The following TRIO variants were observed in gnomAD, a reference collection of about 807,000 sequenced individuals.
TRIO encodes the protein triple functional domain protein.
A neutral mutation model predicts 351.9 loss-of-function variants in TRIO; 58 were observed. The ratio of observed to expected loss-of-function variants is 0.16; its 90% CI spans 0.13 to 0.21. The LOEUF (loss-of-function observed/expected upper bound fraction) is 0.21, where lower values mean the gene tolerates loss of function less well. TRIO is among the 10% of genes least tolerant of loss of function. The pLI, the probability that TRIO is intolerant of heterozygous loss-of-function variation, is 1.00. For synonymous variants in TRIO, 1,758 were observed against 1,595.7 expected, an observed-to-expected ratio of 1.10 and a Z score of -2.42; for missense variants, 3,201 against 4,027.8, an observed-to-expected ratio of 0.79 and a Z score of 5.56.
chr5:14,489,032 C>T lies in TRIO; in HGVS notation c.7632+772C>T, dbSNP rs767267838. 5.2e-6 allele frequency: 4 copies of T among 765,272 alleles called. No homozygotes were observed. In the Admixed American group the frequency reaches 6.8e-5, roughly 13 times the overall value. The allele number at this position is 765,272 out of a possible 1,614,324, so 47.4% of individuals were successfully genotyped here. On this transcript the variant is annotated intron_variant, in intron 48 of 56. Coordinates refer to ENST00000344204, the MANE Select transcript of TRIO (RefSeq NM_007118.4). ...TCCTACCCACCTGTTTCCTACAGGG[C>T]AGATGGCCTGGCCCGTAACACTTTC... is the stretch of plus-strand genomic sequence containing the variant.
intron 7 of TRIO, among the ~76,000 whole-genome samples, chr5:14,301,393 A>T (rs1040757941): frequency 9.2e-5 from 14 of 152,150 alleles, no homozygotes; most frequent in Non-Finnish European, 1.9e-4. Context: ...AGTCCCCCAG[A>T]TGCTTTGTGT....
intron 42 of TRIO, 52 bp from the exon 43 acceptor site, chr5:14,479,867 T>C (rs1755383971): frequency 2.6e-6 from 4 of 1,544,852 alleles, no homozygotes; most frequent in Admixed American, 3.4e-5. Flanking sequence ...GACTAAAAAA[T>C]TGCCCTTTAA....
In TRIO at chr5:14,443,057, A is replaced by C. The variant is rs372627944; in HGVS notation, c.5204-17962A>C. Among the ~76,000 whole-genome samples the C allele has an allele frequency of 1.3e-3, 192 of 152,318 alleles. 1 individual carries two copies. Among genetic ancestry groups the C allele is most frequent in the African/African-American group, 4.2e-3 (176 of 41,578 alleles). Reference sequence around the variant, plus strand: ...CTTAGTGGTATCTTAATTCCTTCAGAATTCTTCTCAAGGGACATTATTAAA... The same window carrying C: ...CTTAGTGGTATCTTAATTCCTTCAGCATTCTTCTCAAGGGACATTATTAAA... On this transcript the variant is annotated intron_variant, in intron 34 of 56. Transcript: ENST00000344204.
intron 21 of TRIO, among the ~76,000 whole-genome samples, chr5:14,383,097 G>A (rs1746255205): frequency 6.6e-6 from 1 of 152,162 alleles, no homozygotes; most frequent in South Asian, 2.1e-4. Context: ...TGAGGTGGGA[G>A]GATCGCTTGA....
chr5:14,419,424 C>T (rs1272924088), intron 33 of TRIO, among the ~76,000 whole-genome samples: 3 of 152,134 alleles, frequency 2.0e-5, no homozygotes, highest in Non-Finnish European at 4.4e-5. Flanking sequence ...AACACTGGGT[C>T]AGAACAGAAA....
At chr5:14,263,962 A>G (rs187770542) in intron 1 of TRIO, among the ~76,000 whole-genome samples, 1 of 152,214 alleles carries the variant, frequency 6.6e-6, no homozygotes, top group African/African-American at 2.4e-5. Flanking sequence ...TGAACGGCAC[A>G]CCTGGGCACA....
intron 11 of TRIO, among the ~76,000 whole-genome samples, chr5:14,356,696 G>A (rs1743637670): frequency 6.6e-6 from 1 of 152,158 alleles, no homozygotes; most frequent in Admixed American, 6.5e-5. Context: ...TTTATTTGTA[G>A]TGGCTCCAAA....
Position 14,369,361 on chromosome 5 carries a change from T to C in TRIO, c.3067-13T>C. The C allele has an allele frequency of 1.3e-6, 2 of 1,591,852 alleles. No individual in the cohort carries two copies. The highest frequency in any genetic ancestry group is 1.1e-5 in the South Asian group (1 of 88,454). ...GATGCCAAGTCTGAGCCTCAAACTT[T>C]TCCTGCTCACAGGTCTGCAGCGTCC... On this transcript the variant is annotated splice_polypyrimidine_tract_variant and intron_variant, in intron 17 of 56. Transcript: ENST00000344204.
intron 11 of TRIO, among the ~76,000 whole-genome samples, chr5:14,344,168 G>A (rs1742196279): frequency 6.6e-6 from 1 of 152,206 alleles, no homozygotes; most frequent in African/African-American, 2.4e-5. Flanking sequence ...AAAGCAAGAG[G>A]AAACTAACAG....
At chr5:14,427,673 G>A (rs1750764180) in intron 34 of TRIO, among the ~76,000 whole-genome samples, 1 of 152,102 alleles carries the variant, frequency 6.6e-6, no homozygotes, top group South Asian at 2.1e-4. Flanking sequence ...GATTCTCACC[G>A]GGGCAGTCAC....
At position 14,278,136 on chromosome 5, in the gene TRIO, A is replaced by C. The variant is rs186607681; in HGVS notation, c.233-2186A>C. Among the ~76,000 whole-genome samples, 278 of 152,298 alleles carry C rather than the reference A, an allele frequency of 1.8e-3. 1 individual carries two copies. The highest frequency in any genetic ancestry group is 1.7e-3 in the Non-Finnish European group (113 of 68,018). ...GATGAACTTGGTAGCAAGTCTTAGGATACTGCTCACTAGTGCTACCAGCCT... is the reference window on the plus strand; with the variant it reads ...GATGAACTTGGTAGCAAGTCTTAGGCTACTGCTCACTAGTGCTACCAGCCT... On this transcript the variant is annotated intron_variant, in intron 2 of 56. Coordinates refer to ENST00000344204, the MANE Select transcript of TRIO (RefSeq NM_007118.4).
intron 5 of TRIO, 27 bp from the exon 6 acceptor site, chr5:14,292,985 T>G (rs773800321): frequency 6.8e-6 from 11 of 1,613,726 alleles, no homozygotes; most frequent in South Asian, 2.2e-5. Flanking sequence ...CTGGAGTGAT[T>G]GCGGGTTGTC....
intron 19 of TRIO, among the ~76,000 whole-genome samples, chr5:14,376,111 G>C (rs962632004): frequency 6.6e-6 from 1 of 152,190 alleles, no homozygotes; most frequent in African/African-American, 2.4e-5. Context: ...TATTGAGAGA[G>C]TCTGTTGTTA....
At chr5:14,201,895 A>T (rs1791133362) in intron 1 of TRIO, among the ~76,000 whole-genome samples, 1 of 146,706 alleles carries the variant, frequency 6.8e-6, no homozygotes. Context: ...GCGTGTTCTC[A>T]CTCATAGGTG....
chr5:14,177,210 A>G (rs1251309936), intron 1 of TRIO, among the ~76,000 whole-genome samples: 6 of 152,200 alleles, frequency 3.9e-5, no homozygotes, highest in Admixed American at 6.5e-5. Flanking sequence ...TATTTATGTT[A>G]TATACGTGAG....
At chr5:14,254,754 T>G (rs1794935818) in intron 1 of TRIO, among the ~76,000 whole-genome samples, 1 of 152,230 alleles carries the variant, frequency 6.6e-6, no homozygotes, top group Admixed American at 6.5e-5. Context: ...CCTGTAGCAT[T>G]ATTTCTACGG....
chr5:14,229,683 TC>T (rs1322988955), intron 1 of TRIO, among the ~76,000 whole-genome samples: 2 of 152,166 alleles, frequency 1.3e-5, no homozygotes, highest in Admixed American at 6.5e-5. Context: ...TGGACCAAGC[TC>T]CCCTATTTAT....
intron 1 of TRIO, among the ~76,000 whole-genome samples, chr5:14,145,587 C>A (rs1159710986): frequency 6.6e-6 from 1 of 151,934 alleles, no homozygotes; most frequent in African/African-American, 2.4e-5. Context: ...TCCCTTCATG[C>A]CCTGAAGCTA....
At chr5:14,189,104 C>T (rs975430700) in intron 1 of TRIO, among the ~76,000 whole-genome samples, 13 of 152,194 alleles carry the variant, frequency 8.5e-5, no homozygotes, top group African/African-American at 2.9e-4. Flanking sequence ...TAAGGAATCA[C>T]ATTGCTTTTT....
Sources: gnomAD v4.1 joint callset for allele counts (sites outside exome capture counted in the v4.1 genomes callset) on GRCh38, gnomAD v4.1.1 for gene constraint, MANE v1.5 for transcripts, NCBI Gene and HGNC (gene_info 2026-07-23, HGNC 2026-07-21) for gene names.